TYW1B: variants seen among roughly 807,000 people sequenced by gnomAD.
TYW1B encodes S-adenosyl-L-methionine-dependent tRNA 4-demethylwyosine synthase TYW1B.
A neutral mutation model predicts 86.9 loss-of-function variants in TYW1B; 73 were observed. The observed-to-expected ratio is 0.84, with a 90% CI of 0.70 to 1.02. The LOEUF is 1.02. TYW1B is among the 50% of genes least tolerant of loss of function. The pLI is 0.00. For synonymous variants in TYW1B, 248 were observed against 292.8 expected, an observed-to-expected ratio of 0.85 and a Z score of 1.56; for missense variants, 637 against 827.4, an observed-to-expected ratio of 0.77 and a Z score of 2.82.
intron 6 of TYW1B, among the ~76,000 whole-genome samples, chr7:72,789,344 C>A (rs1459705824): frequency 6.6e-6 from 1 of 152,042 alleles, no homozygotes; most frequent in Non-Finnish European, 1.5e-5. Context: ...CCATGTTAGC[C>A]AGGCTGGTCT....
At chr7:72,633,212 T>C (rs1259009589) in intron 11 of TYW1B, among the ~76,000 whole-genome samples, 1 of 152,214 alleles carries the variant, frequency 6.6e-6, no homozygotes, top group Non-Finnish European at 1.5e-5. Context: ...TGCATGTAAA[T>C]ATGTGCATAA....
At chr7:72,823,448 C>T (rs1554480921) in intron 2 of TYW1B, among the ~76,000 whole-genome samples, 1 of 151,882 alleles carries the variant, frequency 6.6e-6, no homozygotes, top group African/African-American at 2.4e-5. Flanking sequence ...GGTGAAACCC[C>T]ATCTCTTCTA....
chr7:72,685,925 A>T (rs1275843861), intron 11 of TYW1B, among the ~76,000 whole-genome samples: 1 of 152,194 alleles, frequency 6.6e-6, no homozygotes, highest in East Asian at 1.9e-4. Flanking sequence ...TATACAAAGA[A>T]CTCTTAAATC....
chr7:72,593,018 C>T (rs1177366031), intron 13 of TYW1B, among the ~76,000 whole-genome samples: 1 of 152,182 alleles, frequency 6.6e-6, no homozygotes, highest in East Asian at 1.9e-4. Flanking sequence ...AAATAAAGCA[C>T]TTGGATGGGC....
chr7:72,737,256 T>C (rs1466033143), intron 8 of TYW1B, among the ~76,000 whole-genome samples: 1 of 152,262 alleles, frequency 6.6e-6, no homozygotes, highest in Non-Finnish European at 1.5e-5. Context: ...ATATATTTAA[T>C]GGAAACAGAT....
chr7:72,821,916 G>C (rs1256417223), intron 2 of TYW1B, among the ~76,000 whole-genome samples: 1 of 152,026 alleles, frequency 6.6e-6, no homozygotes, highest in East Asian at 1.9e-4. Flanking sequence ...AACTCGATAT[G>C]AAAGTCTGGA....
At chr7:72,600,829 T>A (rs1306367328) in intron 13 of TYW1B, among the ~76,000 whole-genome samples, 2 of 151,844 alleles carry the variant, frequency 1.3e-5, no homozygotes, top group Non-Finnish European at 2.9e-5. Context: ...GTCATGGCAC[T>A]CCAGCCTGGG....
intron 11 of TYW1B, among the ~76,000 whole-genome samples, chr7:72,667,559 CA>C (rs1331843559): frequency 6.6e-6 from 1 of 152,018 alleles, no homozygotes; most frequent in Non-Finnish European, 1.5e-5. Flanking sequence ...ATAAAAAATA[CA>C]AAAATTAGCC....
chr7:72,702,994 A>C (rs59872389), intron 10 of TYW1B, among the ~76,000 whole-genome samples: 93,637 of 115,670 alleles, frequency 0.81, 36,606 homozygotes, highest in Middle Eastern at 0.84. Context: ...ATCTATATAT[A>C]TATATATATA....
chr7:72,601,488 C>T (rs1396236679), intron 13 of TYW1B, among the ~76,000 whole-genome samples: 3 of 152,054 alleles, frequency 2.0e-5, no homozygotes, highest in Non-Finnish European at 4.4e-5. Context: ...ATAATCCTAC[C>T]ATATGATCCA....
chr7:72,749,326 C>T (rs1478156904), intron 7 of TYW1B, among the ~76,000 whole-genome samples: 7 of 152,126 alleles, frequency 4.6e-5, no homozygotes, highest in Non-Finnish European at 1.0e-4. Context: ...TGGTGTCTCG[C>T]TCTGTCACCC....
chr7:72,624,277 T>C (rs1460168130), intron 12 of TYW1B, among the ~76,000 whole-genome samples: 1 of 152,218 alleles, frequency 6.6e-6, no homozygotes, highest in Non-Finnish European at 1.5e-5. Flanking sequence ...TGCATGCTCG[T>C]TGTAATAATC....
chr7:72,575,403 T>G lies in TYW1B; in HGVS notation c.*95A>C. ...CGTCTCCTTTGTATGAAAGTATAAT[T>G]TACGTAATTCGTCCTTGGAGAATCA... On this transcript the variant is annotated 3_prime_UTR_variant, in exon 14 of 14. Transcript: ENST00000620995. 6.7e-7 allele frequency: 1 copy of G among 1,500,074 alleles called. No homozygotes were observed. Among genetic ancestry groups the G allele is most frequent in the Non-Finnish European group, 8.9e-7 (1 of 1,126,694 alleles). 92.9% of individuals were successfully genotyped at this position (1,500,074 alleles called of 1,614,324 possible).
chr7:72,599,090 G>T (rs1554433180), intron 13 of TYW1B, among the ~76,000 whole-genome samples: 1 of 152,140 alleles, frequency 6.6e-6, no homozygotes, highest in Admixed American at 6.6e-5. Context: ...CTACAAGAAA[G>T]GAAAACCACA....
chr7:72,621,714 T>C (rs375639656), intron 12 of TYW1B, among the ~76,000 whole-genome samples: 2 of 152,236 alleles, frequency 1.3e-5, no homozygotes, highest in African/African-American at 4.8e-5. Context: ...AATCAATCTA[T>C]GCTAAATGAT....
intron 8 of TYW1B, among the ~76,000 whole-genome samples, chr7:72,730,378 G>C (rs1467785635): frequency 2.0e-5 from 3 of 150,456 alleles, no homozygotes; most frequent in Admixed American, 1.3e-4. Flanking sequence ...AACAGAGATA[G>C]ATATCACAAA....
chr7:72,813,451 C>T (rs1285166441), intron 3 of TYW1B, among the ~76,000 whole-genome samples: 1 of 152,210 alleles, frequency 6.6e-6, no homozygotes, highest in African/African-American at 2.4e-5. Flanking sequence ...GTTGGGATTA[C>T]AGGCGTGGGC....
chr7:72,775,685 G>T (rs1787941733), intron 7 of TYW1B, among the ~76,000 whole-genome samples: 1 of 150,558 alleles, frequency 6.6e-6, no homozygotes, highest in Admixed American at 6.6e-5. Context: ...CACTATGAGA[G>T]ATCTTCAAAA....
chr7:72,775,284 A>G (rs1787935311), intron 7 of TYW1B, among the ~76,000 whole-genome samples: 1 of 152,168 alleles, frequency 6.6e-6, no homozygotes, highest in Non-Finnish European at 1.5e-5. Context: ...TCCGAATTTC[A>G]TGAAGACCAT....
Sources: gnomAD v4.1 joint callset for allele counts (sites outside exome capture counted in the v4.1 genomes callset) on GRCh38, gnomAD v4.1.1 for gene constraint, MANE v1.5 for transcripts, NCBI Gene and HGNC (gene_info 2026-07-23, HGNC 2026-07-21) for gene names.